CMSS1: variants seen among roughly 807,000 people sequenced by gnomAD.
CMSS1 encodes cms1 ribosomal small subunit homolog.
CMSS1 carries 33 observed loss-of-function variants against 43.5 expected under a neutral mutation model. That is an observed-to-expected ratio of 0.76 (90% CI 0.57 to 1.01). CMSS1 has a LOEUF of 1.01. Among genes scored for constraint, CMSS1 ranks in the 50% least tolerant of loss-of-function variants. CMSS1 has a pLI of 0.00. For missense variants in CMSS1, 313 were observed against 326.4 expected (o/e 0.96, Z 0.32); for synonymous variants, 115 against 117.2 (o/e 0.98, Z 0.12).
chr3:99,941,762 G>A (rs1707856377), intron 1 of CMSS1, among the ~76,000 whole-genome samples: 1 of 152,074 alleles, frequency 6.6e-6, no homozygotes, highest in South Asian at 2.1e-4. Context: ...TTTGTAATTT[G>A]TAATAAGTTA....
chr3:99,884,059 AGGAGAGTGAGAATGGATCTT>A (rs1705816893), intron 1 of CMSS1, among the ~76,000 whole-genome samples: 1 of 152,188 alleles, frequency 6.6e-6, no homozygotes, highest in Admixed American at 6.5e-5. Flanking sequence ...ACTATGGGCT[AGGAGAGTGAGAATGGATCTT>A]GGAGATTATC....
intron 4 of CMSS1, among the ~76,000 whole-genome samples, chr3:100,165,090 C>T (rs1051072079): frequency 2.6e-5 from 4 of 152,140 alleles, no homozygotes; most frequent in Non-Finnish European, 5.9e-5. Context: ...TTCCCAGGCC[C>T]ACCCCCAAGA....
intron 1 of CMSS1, among the ~76,000 whole-genome samples, chr3:99,917,047 T>A (rs1245576400): frequency 6.6e-6 from 1 of 152,206 alleles, no homozygotes; most frequent in Non-Finnish European, 1.5e-5. Flanking sequence ...TTAGTCCAAA[T>A]GGAACAGAAG....
intron 1 of CMSS1, among the ~76,000 whole-genome samples, chr3:99,993,823 C>T (rs1576627513): frequency 1.3e-5 from 2 of 152,186 alleles, no homozygotes; most frequent in Non-Finnish European, 2.9e-5. Flanking sequence ...TGGGATAAAT[C>T]GTACTTGATC....
chr3:99,890,181 A>G (rs1053792053), intron 1 of CMSS1, among the ~76,000 whole-genome samples: 25 of 152,142 alleles, frequency 1.6e-4, no homozygotes, highest in African/African-American at 5.1e-4. Flanking sequence ...CTGTCAGTAC[A>G]TTGAAGATAT....
In CMSS1 at chr3:100,126,825, C is replaced by T. The variant is rs561643542; in HGVS notation, c.65-20148C>T. On this transcript the variant is annotated intron_variant, in intron 1 of 9. Transcript: ENST00000421999. ...CATCCTGGCTAACACGGTGAAACTC[C>T]GTCTCTACTAAAAATACAAAAAATT... is the stretch of plus-strand genomic sequence containing the variant. 2.0e-3 allele frequency among the ~76,000 whole-genome samples: 309 copies of T among 152,138 alleles called. 1 individual carries two copies. Among genetic ancestry groups the T allele is most frequent in the African/African-American group, 7.0e-3 (289 of 41,524 alleles).
chr3:99,883,931 G>T (rs999153260), intron 1 of CMSS1, among the ~76,000 whole-genome samples: 1 of 152,176 alleles, frequency 6.6e-6, no homozygotes, highest in Non-Finnish European at 1.5e-5. Context: ...AGCAACTTCT[G>T]GGGAAAATCA....
intron 1 of CMSS1, among the ~76,000 whole-genome samples, chr3:100,112,560 C>T (rs2107480208): frequency 6.6e-6 from 1 of 152,296 alleles, no homozygotes; most frequent in Admixed American, 6.5e-5. Flanking sequence ...AAGACAATTA[C>T]ACATGAACTT....
chr3:99,934,992 A>G (rs1707615220), intron 1 of CMSS1, among the ~76,000 whole-genome samples: 1 of 152,194 alleles, frequency 6.6e-6, no homozygotes, highest in Non-Finnish European at 1.5e-5. Flanking sequence ...CTTCTGGTCT[A>G]CTGAGGAGCA....
intron 1 of CMSS1, among the ~76,000 whole-genome samples, chr3:99,853,004 G>C (rs1943778816): frequency 6.6e-6 from 1 of 152,176 alleles, no homozygotes. Flanking sequence ...CAGGATGCTG[G>C]GGTGTCGTTG....
chr3:100,132,267 G>A (rs1200790563), intron 1 of CMSS1, among the ~76,000 whole-genome samples: 2 of 152,088 alleles, frequency 1.3e-5, no homozygotes, highest in Non-Finnish European at 2.9e-5. Context: ...GCCAGACATA[G>A]TGGCATGTAG....
At chr3:100,152,809 A>G (rs571360607) in intron 2 of CMSS1, among the ~76,000 whole-genome samples, 16 of 152,312 alleles carry the variant, frequency 1.1e-4, no homozygotes, top group Non-Finnish European at 2.1e-4. Flanking sequence ...CTGCATAACA[A>G]AGAGCCCCTT....
chr3:100,052,805 T>C (rs1348986168), intron 1 of CMSS1, among the ~76,000 whole-genome samples: 4 of 152,234 alleles, frequency 2.6e-5, no homozygotes, highest in African/African-American at 9.6e-5. Flanking sequence ...CTGGATATGA[T>C]ACAAGATAAA....
intron 1 of CMSS1, among the ~76,000 whole-genome samples, chr3:99,945,444 A>G (rs1707980592): frequency 1.3e-5 from 2 of 152,164 alleles, no homozygotes; most frequent in South Asian, 2.1e-4. Context: ...TTTGTTAGAA[A>G]GCACCCAGGG....
chr3:100,102,243 TAAAA>T (rs1559758176), intron 1 of CMSS1, among the ~76,000 whole-genome samples: 1 of 152,302 alleles, frequency 6.6e-6, no homozygotes. Context: ...ATCAACAGTG[TAAAA>T]GTGTTCCTAT....
chr3:100,160,413 T>C lies in CMSS1; in HGVS notation c.154-17T>C. The C allele has an allele frequency of 7.7e-7, 1 of 1,302,916 alleles. No homozygotes were observed. Among genetic ancestry groups the C allele is most frequent in the East Asian group, 2.4e-5 (1 of 42,536 alleles). 80.7% of individuals were successfully genotyped at this position (1,302,916 alleles called of 1,614,324 possible). A position where few individuals can be genotyped will look rare whatever the true frequency, so the allele number is the denominator to read the frequency against. ...TCATGAAAAGATTAAAATGTTCTCATTTGTATTTCTTAATAGCCTAAAGAA... is the reference window on the plus strand; with the variant it reads ...TCATGAAAAGATTAAAATGTTCTCACTTGTATTTCTTAATAGCCTAAAGAA... On this transcript the variant is annotated splice_polypyrimidine_tract_variant and intron_variant, in intron 2 of 9. Coordinates refer to ENST00000421999, the MANE Select transcript of CMSS1 (RefSeq NM_032359.4).
chr3:99,988,322 C>A (rs1430927202), intron 1 of CMSS1, among the ~76,000 whole-genome samples: 27 of 146,536 alleles, frequency 1.8e-4, no homozygotes, highest in Non-Finnish European at 3.3e-4. Context: ...ATGACAAAAC[C>A]CCACCTCTAC....
At chr3:100,073,831 A>T (rs747976412) in intron 1 of CMSS1, among the ~76,000 whole-genome samples, 1 of 151,776 alleles carries the variant, frequency 6.6e-6, no homozygotes, top group Non-Finnish European at 1.5e-5. Flanking sequence ...CTTTCCACTC[A>T]CTCTTTTTAA....
At chr3:99,930,997 G>C (rs375109760) in intron 1 of CMSS1, 12 of 1,613,442 alleles carry the variant, frequency 7.4e-6, no homozygotes, top group Non-Finnish European at 1.0e-5. Flanking sequence ...CTGAGCCCTC[G>C]GTATCACTGC....
Sources: gnomAD v4.1 joint callset for allele counts (sites outside exome capture counted in the v4.1 genomes callset) on GRCh38, gnomAD v4.1.1 for gene constraint, MANE v1.5 for transcripts, NCBI Gene and HGNC (gene_info 2026-07-23, HGNC 2026-07-21) for gene names.